The following CEP350 variants were observed in gnomAD, a reference collection of about 807,000 sequenced individuals.
CEP350 encodes the protein centrosomal protein 350, also known as centrosome-associated protein 350.
Under a neutral mutation model 331.8 loss-of-function variants are expected in CEP350, and 126 were observed. The ratio of observed to expected loss-of-function variants is 0.38; its 90% CI spans 0.33 to 0.44. The LOEUF (loss-of-function observed/expected upper bound fraction) is 0.44, where lower values mean the gene tolerates loss of function less well. Ranked by LOEUF, CEP350 falls within the 20% of genes least tolerant of loss-of-function variation. The probability of loss-of-function intolerance (pLI) is 1.00; values close to 1 mark genes in which losing one functional copy is unlikely to be tolerated. For synonymous variants in CEP350, 1,200 were observed against 1,259.5 expected, an observed-to-expected ratio of 0.95 and a Z score of 1.00; for missense variants, 3,406 against 3,634.6, an observed-to-expected ratio of 0.94 and a Z score of 1.62.
intron 14 of CEP350, among the ~76,000 whole-genome samples, chr1:180,025,493 T>C (rs16855130): frequency 0.14 from 21,397 of 152,148 alleles, 1,590 homozygotes; most frequent in African/African-American, 0.17. Context: ...AAATTTGCTC[T>C]ATAGGCCTAC....
At chr1:179,997,981 G>T (rs1251348410) in intron 6 of CEP350, among the ~76,000 whole-genome samples, 1 of 148,232 alleles carries the variant, frequency 6.7e-6, no homozygotes, top group Admixed American at 6.8e-5. Flanking sequence ...AACATTGGTA[G>T]ATTTTCATTA....
chr1:179,962,470 C>G (rs753555912), intron 1 of CEP350, among the ~76,000 whole-genome samples: 4 of 152,126 alleles, frequency 2.6e-5, no homozygotes, highest in Non-Finnish European at 5.9e-5. Flanking sequence ...AGCGCAGTGA[C>G]GTGATCTTGG....
Position 180,070,968 on chromosome 1 carries a change from T to C in CEP350, c.5568-4054T>C, listed in dbSNP as rs200244457. On this transcript the variant is annotated intron_variant, in intron 27 of 37. Transcript: ENST00000367607. The stretch of plus-strand genomic sequence containing the variant: ...ATCGAGACCAACCTGGCCAACATGG[T>C]GAAACCCCATCTCTACTAAAAATAC... Among the ~76,000 whole-genome samples, 17 of 151,026 alleles carry C rather than the reference T, an allele frequency of 1.1e-4. No homozygotes were observed. The East Asian group carries it at 3.4e-3, about 30-fold the overall frequency.
intron 14 of CEP350, among the ~76,000 whole-genome samples, chr1:180,026,163 C>T (rs973648968): frequency 1.8e-4 from 28 of 151,698 alleles, no homozygotes; most frequent in African/African-American, 6.3e-4. Flanking sequence ...CCCAGCTACT[C>T]GGGAGGCTGA....
intron 1 of CEP350, among the ~76,000 whole-genome samples, chr1:179,984,629 C>A (rs1652521866): frequency 6.6e-6 from 1 of 152,110 alleles, no homozygotes; most frequent in Admixed American, 6.5e-5. Context: ...CTAAGTCCCA[C>A]CATACTCAAT....
intron 8 of CEP350, among the ~76,000 whole-genome samples, chr1:180,008,465 A>G (rs1305903986): frequency 6.9e-6 from 1 of 144,298 alleles, no homozygotes; most frequent in Non-Finnish European, 1.6e-5. Context: ...GACTCCACTG[A>G]TAATAGTAAT....
chr1:179,986,759 T>A (rs1397295386), intron 2 of CEP350, among the ~76,000 whole-genome samples: 1 of 152,154 alleles, frequency 6.6e-6, no homozygotes, highest in Non-Finnish European at 1.5e-5. Context: ...TGGAGAAGGA[T>A]GACTTATGGA....
intron 26 of CEP350, among the ~76,000 whole-genome samples, chr1:180,062,943 G>A (rs528893156): frequency 6.6e-6 from 1 of 152,142 alleles, no homozygotes; most frequent in Non-Finnish European, 1.5e-5. Flanking sequence ...TTTTCCTATG[G>A]AATATTCAAA....
Position 180,036,850 on chromosome 1 carries a change from T to C in CEP350, c.3947-76T>C, listed in dbSNP as rs184185002. On this transcript the variant is annotated intron_variant, in intron 16 of 37. Coordinates refer to ENST00000367607, the MANE Select transcript of CEP350 (RefSeq NM_014810.5). The stretch of plus-strand genomic sequence containing the variant: ...AGGAAAGCAAAGTTGATTTTGGCTC[T>C]TAAAATGACAGATTTTAGAAATCTG... 1.2e-3 allele frequency: 1,640 copies of C among 1,412,076 alleles called. 3 individuals carry two copies. Among genetic ancestry groups the C allele is most frequent in the Admixed American group, 6.4e-3 (202 of 31,340 alleles). 87.5% of individuals were successfully genotyped at this position (1,412,076 alleles called of 1,614,324 possible). A position where few individuals can be genotyped will look rare whatever the true frequency, so the allele number is the denominator to read the frequency against.
rs1379588512 is a variant in CEP350, at chr1:179,954,958, C to G, written c.-198C>G. 1.8e-6 allele frequency: 2 copies of G among 1,128,762 alleles called. No individual in the cohort carries two copies. Among genetic ancestry groups the G allele is most frequent in the Non-Finnish European group, 2.3e-6 (2 of 864,612 alleles). The allele number at this position is 1,128,762 out of a possible 1,614,324, so 69.9% of individuals were successfully genotyped here. A position where few individuals can be genotyped will look rare whatever the true frequency, so the allele number is the denominator to read the frequency against. ...GAGGGAGGGGAGGCAGCCTTTCCGCCTTGTCTTCCTTCCCAGCGGACCGGC... is the reference window on the plus strand; with the variant it reads ...GAGGGAGGGGAGGCAGCCTTTCCGCGTTGTCTTCCTTCCCAGCGGACCGGC... On this transcript the variant is annotated 5_prime_UTR_variant, in exon 1 of 38. Transcript: ENST00000367607.
Position 180,044,086 on chromosome 1 carries a change from A to C in CEP350, c.4535A>C (p.Glu1512Ala). ...TCTGTTTCACTCTCTCAGAGTAAAG[A>C]AGGGACCCTTGACTCAAAGCATCAG... ...SPSVSLSQSK[E>A]GTLDSKHQKY... The change falls in exon 21 of 38, where the codon GAA becomes GCA. Residue 1512 changes from glutamate to alanine, a missense_variant. Around this residue, in one of 5 missense-constraint regions of CEP350, gnomAD observed 1,857 missense variants for 1,909.2 expected, o/e 0.97. Transcript: ENST00000367607. The C allele has an allele frequency of 6.4e-6, 10 of 1,556,598 alleles. No homozygotes were observed. Among genetic ancestry groups the C allele is most frequent in the Non-Finnish European group, 8.7e-6 (10 of 1,149,316 alleles).
In CEP350 at chr1:179,954,972, C is replaced by T. The variant is rs1650054307; in HGVS notation, c.-184C>T. 2.5e-6 allele frequency: 3 copies of T among 1,202,744 alleles called. No individual in the cohort carries two copies. Among genetic ancestry groups the T allele is most frequent in the Admixed American group, 8.3e-5 (2 of 24,116 alleles). 74.5% of individuals were successfully genotyped at this position (1,202,744 alleles called of 1,614,324 possible). A position where few individuals can be genotyped will look rare whatever the true frequency, so the allele number is the denominator to read the frequency against. ...AGCCTTTCCGCCTTGTCTTCCTTCC[C>T]AGCGGACCGGCGGATCCCCGGAGCC... is the stretch of plus-strand genomic sequence containing the variant. On this transcript the variant is annotated 5_prime_UTR_variant, in exon 1 of 38. Coordinates refer to ENST00000367607, the MANE Select transcript of CEP350 (RefSeq NM_014810.5).
intron 26 of CEP350, among the ~76,000 whole-genome samples, chr1:180,064,164 T>C (rs1476450568): frequency 6.6e-6 from 1 of 152,130 alleles, no homozygotes; most frequent in Non-Finnish European, 1.5e-5. Flanking sequence ...GCTAGGAAGT[T>C]CTCTGTGGTA....
intron 8 of CEP350, among the ~76,000 whole-genome samples, chr1:180,008,868 T>A (rs987608535): frequency 1.3e-5 from 2 of 152,180 alleles, no homozygotes; most frequent in Non-Finnish European, 2.9e-5. Flanking sequence ...TTTCTAGTCA[T>A]ACACTAATCA....
At position 180,096,048 on chromosome 1, in the gene CEP350, A is replaced by G; in HGVS notation, c.8930A>G (p.Asp2977Gly). ...SKRVYKQAVF[D>G]LTKEIFEEIF... ...TTTTTCTCTATCAAGGCGGTTTTTG[A>G]TTTAACAAAAGAGATTTTTGAGGAA... The change falls in exon 36 of 38, where the codon GAT becomes GGT. Residue 2977 changes from aspartate to glycine, a missense_variant. Coordinates refer to ENST00000367607, the MANE Select transcript of CEP350 (RefSeq NM_014810.5). 1 of 1,551,768 alleles carries G rather than the reference A, an allele frequency of 6.4e-7. No individual in the cohort carries two copies. The highest frequency in any genetic ancestry group is 8.7e-7 in the Non-Finnish European group (1 of 1,147,280).
chr1:180,085,902 T>A (rs1659833229), intron 31 of CEP350: 1 of 152,214 alleles, frequency 6.6e-6, no homozygotes, highest in Admixed American at 6.5e-5. Context: ...ATTACACATA[T>A]TTTTCATTTA....
chr1:180,030,215 A>G (rs971321659), intron 14 of CEP350, among the ~76,000 whole-genome samples: 5 of 102,662 alleles, frequency 4.9e-5, no homozygotes, highest in East Asian at 2.0e-4. Context: ...AATTTTTTGT[A>G]TATATATATA....
chr1:180,096,121 A>G lies in CEP350; in HGVS notation c.9003A>G (p.Pro3001=). 6.4e-7 allele frequency: 1 copy of G among 1,565,582 alleles called. No individual in the cohort carries two copies. Among genetic ancestry groups the G allele is most frequent in the Non-Finnish European group, 8.7e-7 (1 of 1,153,200 alleles). The change falls in exon 36 of 38, where the codon CCA becomes CCG. Residue 3001 remains proline (P), a synonymous_variant. Transcript: ENST00000367607. ...PNLNQPVWMK[P]CRINSSYFRR... Reference sequence around the variant, plus strand: ...TAAATCAACCTGTCTGGATGAAGCCATGTAGAATCAACTCTAGTTATTTCC... The same window carrying G: ...TAAATCAACCTGTCTGGATGAAGCCGTGTAGAATCAACTCTAGTTATTTCC...
rs151332627 is a variant in CEP350, at chr1:180,093,419, C to T, written c.7314C>T (p.Cys2438=). 6.4e-4 allele frequency: 1,030 copies of T among 1,598,250 alleles called. 1 individual carries two copies. Among genetic ancestry groups the T allele is most frequent in the Non-Finnish European group, 7.9e-4 (926 of 1,172,026 alleles). ...GTAGTAATGAGGAAATCAGTGAGTG[C>T]CTAAGTGAGAAAAGCCTTTCTATCC... ...SFGSNEEISE[C]LSEKSLSIHS... Residue 2438 remains cysteine (C), a synonymous_variant, in exon 34 of 38, where the codon TGC becomes TGT. Transcript: ENST00000367607.
Sources: allele counts gnomAD v4.1 joint callset (sites outside exome capture counted in the v4.1 genomes callset), GRCh38; gene constraint gnomAD v4.1.1; regional missense constraint gnomAD v4.1.1; transcripts MANE v1.5; gene names NCBI Gene and HGNC (gene_info 2026-07-23, HGNC 2026-07-21).